GAPVD1: variants seen among roughly 807,000 people sequenced by gnomAD.
The protein encoded by GAPVD1 is GTPase-activating protein and VPS9 domain-containing protein 1.
Under a neutral mutation model 155.5 loss-of-function variants are expected in GAPVD1, and 35 were observed. That is an observed-to-expected ratio of 0.23 (90% CI 0.17 to 0.30). GAPVD1 has a LOEUF of 0.30. Among genes scored for constraint, GAPVD1 ranks in the 10% least tolerant of loss-of-function variants. The probability of loss-of-function intolerance (pLI) is 1.00; values close to 1 mark genes in which losing one functional copy is unlikely to be tolerated. For missense variants in GAPVD1, 1,429 were observed against 1,775.7 expected (o/e 0.80, Z 3.51); for synonymous variants, 636 against 619.7 (o/e 1.03, Z -0.39).
Position 125,362,850 on chromosome 9 carries a change from C to T in GAPVD1, c.*104C>T. 1.0e-6 allele frequency: 1 copy of T among 965,310 alleles called. No homozygotes were observed. Among genetic ancestry groups the T allele is most frequent in the Non-Finnish European group, 1.5e-6 (1 of 647,796 alleles). 59.8% of individuals were successfully genotyped at this position (965,310 alleles called of 1,614,324 possible). A position where few individuals can be genotyped will look rare whatever the true frequency, so the allele number is the denominator to read the frequency against. ...AGGCTGAAGATTGTTTTGTATGATACTGCACAGCATCAGGCATTTTAAAGC... is the reference window on the plus strand; with the variant it reads ...AGGCTGAAGATTGTTTTGTATGATATTGCACAGCATCAGGCATTTTAAAGC... On this transcript the variant is annotated 3_prime_UTR_variant, in exon 28 of 28. Transcript: ENST00000297933.
intron 4 of GAPVD1, among the ~76,000 whole-genome samples, chr9:125,301,454 C>CT (rs954673019): frequency 2.2e-3 from 317 of 146,634 alleles, no homozygotes; most frequent in African/African-American, 4.0e-3. Flanking sequence ...TTCTTTCTTT[C>CT]TTTTTTTTTT....
chr9:125,298,240 T>C (rs1444003066), intron 3 of GAPVD1, among the ~76,000 whole-genome samples: 4 of 152,160 alleles, frequency 2.6e-5, no homozygotes, highest in Non-Finnish European at 5.9e-5. Context: ...GATATTTTGA[T>C]TGTGATTAGA....
At chr9:125,333,443 T>C (rs1239108478) in intron 15 of GAPVD1, among the ~76,000 whole-genome samples, 1 of 150,920 alleles carries the variant, frequency 6.6e-6, no homozygotes, top group Non-Finnish European at 1.5e-5. Flanking sequence ...ATGCTAGCAG[T>C]GGTTTTATAT....
chr9:125,354,161 G>A (rs968372756), intron 23 of GAPVD1, among the ~76,000 whole-genome samples: 15 of 152,164 alleles, frequency 9.9e-5, no homozygotes, highest in Admixed American at 9.8e-4. Context: ...TGCTTAGGTA[G>A]TGAGGAGGCT....
At chr9:125,308,706 G>A in intron 8 of GAPVD1, 1 of 152,188 alleles carries the variant, frequency 6.6e-6, no homozygotes, top group East Asian at 1.9e-4. Context: ...CCCCACAGAA[G>A]TCCTGTGAGA....
Position 125,354,840 on chromosome 9 carries a change from A to G in GAPVD1, c.3756A>G (p.Gln1252=), listed in dbSNP as rs578179619. Residue 1252 remains glutamine, a splice_region_variant and synonymous_variant, in exon 24 of 28, where the codon CAA becomes CAG. Coordinates refer to ENST00000297933, the MANE Select transcript of GAPVD1 (RefSeq NM_001282680.3). ...AAAAGAAGATCAGGGAATTCATTCA[A>G]GGTAACTCAATACCTTTAGTTTAAG... ...SKEKKIREFI[Q]DFQKLTAADD... 3.1e-6 allele frequency: 5 copies of G among 1,601,590 alleles called. No individual in the cohort carries two copies. Among genetic ancestry groups the G allele is most frequent in the East Asian group, 4.5e-5 (2 of 44,826 alleles).
intron 17 of GAPVD1, among the ~76,000 whole-genome samples, chr9:125,338,294 A>G (rs1426459508): frequency 3.9e-5 from 6 of 152,120 alleles, no homozygotes; most frequent in Non-Finnish European, 7.4e-5. Flanking sequence ...GTACCCCTAA[A>G]CACTTCAGTG....
At position 125,364,998 on chromosome 9, in the gene GAPVD1, A is replaced by G. The variant is rs1851375734; in HGVS notation, c.*2252A>G. 1 of 152,370 alleles carries G rather than the reference A, an allele frequency of 6.6e-6. No individual in the cohort carries two copies. The highest frequency in any genetic ancestry group is 6.5e-5 in the Admixed American group (1 of 15,278). The allele number at this position is 152,370 out of a possible 1,614,324, so 9.4% of individuals were successfully genotyped here. A position where few individuals can be genotyped will look rare whatever the true frequency, so the allele number is the denominator to read the frequency against. On this transcript the variant is annotated 3_prime_UTR_variant, in exon 28 of 28. Coordinates refer to ENST00000297933, the MANE Select transcript of GAPVD1 (RefSeq NM_001282680.3). ...TAACACTGTGGAAATAAATATGAAG[A>G]TGTGGACATTGCATCGGGGCTCTTT... is the stretch of plus-strand genomic sequence containing the variant.
At chr9:125,332,853 T>G (rs1846282512) in intron 15 of GAPVD1, among the ~76,000 whole-genome samples, 1 of 152,206 alleles carries the variant, frequency 6.6e-6, no homozygotes, top group Non-Finnish European at 1.5e-5. Context: ...GAGAAAGTCC[T>G]TAGCACGAAG....
At chr9:125,306,423 C>G (rs1047952779) in intron 6 of GAPVD1, among the ~76,000 whole-genome samples, 1 of 152,202 alleles carries the variant, frequency 6.6e-6, no homozygotes, top group Non-Finnish European at 1.5e-5. Flanking sequence ...TTCCAACCAT[C>G]CCTTCCTTTC....
chr9:125,286,805 C>T (rs993615523), intron 2 of GAPVD1, among the ~76,000 whole-genome samples: 11 of 152,128 alleles, frequency 7.2e-5, no homozygotes, highest in African/African-American at 1.4e-4. Flanking sequence ...AAAGTTTCAC[C>T]GGGCTCGGTG....
intron 1 of GAPVD1, among the ~76,000 whole-genome samples, chr9:125,267,693 G>A (rs942282365): frequency 6.6e-6 from 1 of 151,910 alleles, no homozygotes; most frequent in African/African-American, 2.4e-5. Context: ...ACAGGGGTGA[G>A]CTACCATGCC....
chr9:125,358,921 G>T (rs1850510064), intron 25 of GAPVD1, among the ~76,000 whole-genome samples: 1 of 152,230 alleles, frequency 6.6e-6, no homozygotes, highest in South Asian at 2.1e-4. Flanking sequence ...AGGAAGCTGG[G>T]TTCAGCCCCT....
In GAPVD1 at chr9:125,337,052, A is replaced by G; in HGVS notation, c.2463A>G (p.Ser821=). 2 of 1,613,348 alleles carry G rather than the reference A, an allele frequency of 1.2e-6. No homozygotes were observed. Among genetic ancestry groups the G allele is most frequent in the South Asian group, 2.2e-5 (2 of 91,068 alleles). ...AHQLTSPPSQ[S]ESLLAMFDPL... ...AGCTGACCTCTCCTCCTTCTCAGTC[A>G]GAGTCTCTGCTGGCCATGTTTGATC... The change falls in exon 16 of 28, where the codon TCA becomes TCG. Residue 821 remains serine (S), a synonymous_variant. Coordinates refer to ENST00000297933, the MANE Select transcript of GAPVD1 (RefSeq NM_001282680.3).
Position 125,337,267 on chromosome 9 carries a change from G to A in GAPVD1, c.2553G>A (p.Ser851=), listed in dbSNP as rs1357728460. 10 of 1,613,932 alleles carry A rather than the reference G, an allele frequency of 6.2e-6. No individual in the cohort carries two copies. The Admixed American group carries it at 1.3e-4, about 22-fold the overall frequency. Residue 851 remains serine, a synonymous_variant, in exon 17 of 28, where the codon TCG becomes TCA. Transcript: ENST00000297933. ...CAAAGGTTCACTATGCTAGGCCATC[G>A]CATCCACCACCAGATCCCCCAATCC... is the stretch of plus-strand genomic sequence containing the variant. ...VRPKVHYARP[S]HPPPDPPILE...
At chr9:125,283,407 A>AGTGCAGTGTG (rs1837128730) in intron 2 of GAPVD1, among the ~76,000 whole-genome samples, 1 of 152,050 alleles carries the variant, frequency 6.6e-6, no homozygotes, top group African/African-American at 2.4e-5. Context: ...CCCAGGCTGA[A>AGTGCAGTGTG]GTGCAGTGTG....
intron 3 of GAPVD1, among the ~76,000 whole-genome samples, chr9:125,298,476 A>G (rs1377525756): frequency 1.4e-5 from 2 of 142,172 alleles, no homozygotes; most frequent in Non-Finnish European, 3.0e-5. Context: ...ATCAAATGTA[A>G]CCTAATTTTT....
At chr9:125,340,690 T>G (rs1196739501) in intron 17 of GAPVD1, among the ~76,000 whole-genome samples, 1 of 152,066 alleles carries the variant, frequency 6.6e-6, no homozygotes, top group Non-Finnish European at 1.5e-5. Context: ...GAGTGCCTAG[T>G]CTATACCAGG....
intron 2 of GAPVD1, among the ~76,000 whole-genome samples, chr9:125,285,015 T>G (rs183478852): frequency 6.7e-4 from 102 of 152,320 alleles, no homozygotes; most frequent in Non-Finnish European, 1.1e-3. Flanking sequence ...GGACAGTGCC[T>G]CCTCTCTGTG....
Sources: allele counts gnomAD v4.1 joint callset (sites outside exome capture counted in the v4.1 genomes callset), GRCh38; gene constraint gnomAD v4.1.1; transcripts MANE v1.5; gene names NCBI Gene and HGNC (gene_info 2026-07-23, HGNC 2026-07-21).